Variants in KIAA0825 observed in about 807,000 individuals in gnomAD.
KIAA0825 encodes KIAA0825, also known as uncharacterized protein KIAA0825.
KIAA0825 carries 119 observed loss-of-function variants against 147.6 expected under a neutral mutation model. The observed-to-expected ratio is 0.81, with a 90% CI of 0.69 to 0.94. The LOEUF is 0.94. Ranked by LOEUF, KIAA0825 falls within the 40% of genes least tolerant of loss-of-function variation. The pLI, the probability that KIAA0825 is intolerant of heterozygous loss-of-function variation, is 0.00. For synonymous variants in KIAA0825, 470 were observed against 518.1 expected (o/e 0.91, Z 1.26); for missense variants, 1,381 against 1,472.7 (o/e 0.94, Z 1.02).
chr5:94,593,487 C>T (rs1784712260), intron 1 of KIAA0825: 2 of 656,254 alleles, frequency 3.0e-6, no homozygotes, highest in African/African-American at 1.8e-5. Context: ...TTCTTCGAAA[C>T]TTTAGATATC....
At chr5:94,390,477 C>A (rs1749751083) in intron 18 of KIAA0825, among the ~76,000 whole-genome samples, 1 of 152,180 alleles carries the variant, frequency 6.6e-6, no homozygotes, top group Admixed American at 6.5e-5. Flanking sequence ...GGATCACTGA[C>A]AAGAGTGAAT....
At chr5:94,491,597 C>T (rs532410323) in intron 5 of KIAA0825, among the ~76,000 whole-genome samples, 2 of 152,310 alleles carry the variant, frequency 1.3e-5, no homozygotes, top group South Asian at 4.1e-4. Context: ...GGAGGACCTG[C>T]AAGCATTGTT....
chr5:94,372,510 G>A lies in KIAA0825; in HGVS notation c.3710+11858C>T, dbSNP rs562405278. ...CCACGTGGAAGCTGCCAAGGTTTGGGCTTGCACCCTCTGAAGCAATGGCCT... is the reference window on the plus strand; with the variant it reads ...CCACGTGGAAGCTGCCAAGGTTTGGACTTGCACCCTCTGAAGCAATGGCCT... On this transcript the variant is annotated intron_variant, in intron 20 of 20. Transcript: ENST00000682413. Among the ~76,000 whole-genome samples, 12 of 152,348 alleles carry A rather than the reference G, an allele frequency of 7.9e-5. No homozygotes were observed. In the South Asian group the frequency reaches 2.1e-3, roughly 26 times the overall value.
At position 94,247,870 on chromosome 5, in the gene KIAA0825, G is replaced by C. The variant is rs555106660; in HGVS notation, c.3711-93746C>G. On this transcript the variant is annotated intron_variant, in intron 20 of 20. Transcript: ENST00000682413. ...GATAATGTGTAGTCATCTTTCAGTAGAAGGCAATGGAGATTTACTAGGAAA... is the reference window on the plus strand; with the variant it reads ...GATAATGTGTAGTCATCTTTCAGTACAAGGCAATGGAGATTTACTAGGAAA... Among the ~76,000 whole-genome samples, 15 of 152,176 alleles carry C rather than the reference G, an allele frequency of 9.9e-5. No homozygotes were observed. In the South Asian group the frequency reaches 1.9e-3, roughly 19 times the overall value.
intron 20 of KIAA0825, among the ~76,000 whole-genome samples, chr5:94,213,931 T>G (rs951132058): frequency 2.6e-5 from 4 of 152,218 alleles, no homozygotes; most frequent in African/African-American, 9.6e-5. Context: ...GCACACTACT[T>G]TAGACTCCAG....
chr5:94,338,350 T>C (rs1782017370), intron 20 of KIAA0825, among the ~76,000 whole-genome samples: 1 of 152,184 alleles, frequency 6.6e-6, no homozygotes, highest in African/African-American at 2.4e-5. Flanking sequence ...CTTTTTTAAG[T>C]AAAATGTAGT....
chr5:94,162,692 A>T (rs776936128), intron 20 of KIAA0825, among the ~76,000 whole-genome samples: 1 of 151,904 alleles, frequency 6.6e-6, no homozygotes, highest in African/African-American at 2.4e-5. Flanking sequence ...TCTCCCAAAC[A>T]AAAAAACAAA....
intron 2 of KIAA0825, among the ~76,000 whole-genome samples, chr5:94,565,914 A>G (rs1037437890): frequency 6.6e-6 from 1 of 152,078 alleles, no homozygotes; most frequent in African/African-American, 2.4e-5. Flanking sequence ...TTATCCTTTG[A>G]CCCATATCTC....
chr5:94,304,461 C>T (rs1373099609), intron 20 of KIAA0825, among the ~76,000 whole-genome samples: 1 of 151,980 alleles, frequency 6.6e-6, no homozygotes, highest in Non-Finnish European at 1.5e-5. Flanking sequence ...TGGAAGATGC[C>T]GATCTGGTTG....
At chr5:94,421,047 A>T (rs1196487086) in intron 14 of KIAA0825, among the ~76,000 whole-genome samples, 3 of 152,012 alleles carry the variant, frequency 2.0e-5, no homozygotes. Context: ...TTGGATTCAG[A>T]GTTCCTTTTT....
Position 94,400,745 on chromosome 5 carries a change from C to T in KIAA0825, c.2887+2824G>A, listed in dbSNP as rs181353260. Among the ~76,000 whole-genome samples the T allele has an allele frequency of 1.0e-3, 152 of 152,226 alleles. 2 individuals are homozygous for T. Among genetic ancestry groups the T allele is most frequent in the Admixed American group, 5.6e-3 (86 of 15,280 alleles). On this transcript the variant is annotated intron_variant, in intron 16 of 20. Coordinates refer to ENST00000682413, the MANE Select transcript of KIAA0825 (RefSeq NM_001145678.3). ...CAAATATCTAAAAGCAGAGCTATGT[C>T]AGAGCCATCCTAACTTCCATCCAAC...
At chr5:94,176,855 G>A (rs1331441530) in intron 20 of KIAA0825, among the ~76,000 whole-genome samples, 2 of 152,072 alleles carry the variant, frequency 1.3e-5, no homozygotes, top group African/African-American at 4.8e-5. Context: ...GAGATATGCT[G>A]CATCTCTAAT....
chr5:94,583,286 T>C (rs549337116), intron 1 of KIAA0825, among the ~76,000 whole-genome samples: 2 of 152,270 alleles, frequency 1.3e-5, no homozygotes, highest in South Asian at 2.1e-4. Context: ...CCTGAAGCAA[T>C]AGTACATTCC....
chr5:94,252,796 C>A (rs956361534), intron 20 of KIAA0825, among the ~76,000 whole-genome samples: 1 of 151,996 alleles, frequency 6.6e-6, no homozygotes, highest in Non-Finnish European at 1.5e-5. Context: ...ACATACCTAG[C>A]AACTGTGGAT....
intron 14 of KIAA0825, among the ~76,000 whole-genome samples, chr5:94,433,483 A>T (rs1755962495): frequency 1.3e-5 from 2 of 152,216 alleles, no homozygotes; most frequent in African/African-American, 4.8e-5. Flanking sequence ...TAGGTTTCTG[A>T]TAGTTCCCAT....
At chr5:94,208,113 A>G (rs1318633358) in intron 20 of KIAA0825, among the ~76,000 whole-genome samples, 2 of 152,210 alleles carry the variant, frequency 1.3e-5, no homozygotes, top group Non-Finnish European at 2.9e-5. Flanking sequence ...ATCTGTTTCA[A>G]CTGAAGACTT....
chr5:94,604,187 C>T (rs1475767632), intron 1 of KIAA0825, among the ~76,000 whole-genome samples: 1 of 152,200 alleles, frequency 6.6e-6, no homozygotes, highest in African/African-American at 2.4e-5. Flanking sequence ...AAGTAAAACA[C>T]TCCTCAGTGA....
intron 1 of KIAA0825, among the ~76,000 whole-genome samples, chr5:94,608,490 TA>T (rs1284435559): frequency 6.6e-5 from 1 of 15,266 alleles, no homozygotes; most frequent in African/African-American, 2.8e-4. Context: ...TATATATATA[TA>T]ATTATATATA....
At chr5:94,218,050 A>C (rs1454244498) in intron 20 of KIAA0825, among the ~76,000 whole-genome samples, 1 of 152,208 alleles carries the variant, frequency 6.6e-6, no homozygotes, top group Non-Finnish European at 1.5e-5. Context: ...ATAAAACACA[A>C]ACACGTAGGT....
Sources: gnomAD v4.1 joint callset for allele counts (sites outside exome capture counted in the v4.1 genomes callset) on GRCh38, gnomAD v4.1.1 for gene constraint, MANE v1.5 for transcripts, NCBI Gene and HGNC (gene_info 2026-07-23, HGNC 2026-07-21) for gene names.